DISP3: variants seen among roughly 807,000 people sequenced by gnomAD.
The protein encoded by DISP3 is protein dispatched homolog 3.
A neutral mutation model predicts 135.3 loss-of-function variants in DISP3; 101 were observed. The observed-to-expected ratio is 0.75, with a 90% CI of 0.64 to 0.88. The LOEUF (loss-of-function observed/expected upper bound fraction) is 0.88, where lower values mean the gene tolerates loss of function less well. Ranked by LOEUF, DISP3 falls within the 40% of genes least tolerant of loss-of-function variation. The pLI is 0.00. For synonymous variants in DISP3, 856 were observed against 817.0 expected, an observed-to-expected ratio of 1.05 and a Z score of -0.81; for missense variants, 1,713 against 1,878.6, an observed-to-expected ratio of 0.91 and a Z score of 1.63.
intron 11 of DISP3, 101 bp from the exon 12 acceptor site, chr1:11,525,075 T>G: frequency 3.5e-6 from 5 of 1,436,566 alleles, no homozygotes; most frequent in Non-Finnish European, 4.8e-6. Flanking sequence ...AGGCCAGGAC[T>G]GAGCTCGTTA....
intron 1 of DISP3, among the ~76,000 whole-genome samples, chr1:11,495,979 A>G (rs1242579936): frequency 6.6e-6 from 1 of 152,236 alleles, no homozygotes; most frequent in East Asian, 1.9e-4. Context: ...TCTGATTCTA[A>G]AAGTAAGGAT....
intron 3 of DISP3, among the ~76,000 whole-genome samples, chr1:11,505,438 G>A (rs1376743791): frequency 2.0e-5 from 3 of 152,238 alleles, no homozygotes; most frequent in Non-Finnish European, 4.4e-5. Flanking sequence ...TTAGGTACCA[G>A]TATTAACTCT....
At chr1:11,527,600 T>C (rs1410197189) in intron 13 of DISP3, among the ~76,000 whole-genome samples, 1 of 150,462 alleles carries the variant, frequency 6.6e-6, no homozygotes, top group Non-Finnish European at 1.5e-5. Flanking sequence ...ACCTACCTGC[T>C]CAGATGGGTC....
At chr1:11,505,049 C>T (rs1445418471) in intron 3 of DISP3, among the ~76,000 whole-genome samples, 1 of 152,200 alleles carries the variant, frequency 6.6e-6, no homozygotes, top group African/African-American at 2.4e-5. Flanking sequence ...TATCACAGTG[C>T]TTCTCACTCT....
At chr1:11,486,487 G>A (rs1641039228) in intron 1 of DISP3, among the ~76,000 whole-genome samples, 1 of 152,006 alleles carries the variant, frequency 6.6e-6, no homozygotes, top group Non-Finnish European at 1.5e-5. Flanking sequence ...AAGGGTTTCT[G>A]ACTTTCTGAC....
rs1641506797 is a variant in DISP3, at chr1:11,501,286, G to C, written c.294G>C (p.Pro98=). 6.2e-7 allele frequency: 1 copy of C among 1,613,896 alleles called. No individual in the cohort carries two copies. The highest frequency in any genetic ancestry group is 1.3e-5 in the African/African-American group (1 of 74,880). ...CCTTCATGTTCCTTTACTACCCACC[G>C]CTGGACATTGACATCTCCTACAACG... ...LSAFMFLYYP[P]LDIDISYNAF... is the part of the protein sequence containing the mutation. The change falls in exon 2 of 21, where the codon CCG becomes CCC. Residue 98 remains proline (P), a synonymous_variant. Coordinates refer to ENST00000294484, the MANE Select transcript of DISP3 (RefSeq NM_020780.2). This position sits in a 1 kb window ranked among gnomAD's most constrained non-coding sequence, Gnocchi z 4.9.
At chr1:11,511,058 T>C (rs1434824291) in intron 3 of DISP3, among the ~76,000 whole-genome samples, 1 of 152,220 alleles carries the variant, frequency 6.6e-6, no homozygotes, top group Non-Finnish European at 1.5e-5. Context: ...CCAGCCGCCA[T>C]GATTCAATTA....
intron 12 of DISP3, among the ~76,000 whole-genome samples, chr1:11,525,756 C>T (rs893533397): frequency 6.6e-6 from 1 of 152,094 alleles, no homozygotes; most frequent in African/African-American, 2.4e-5. Flanking sequence ...AAGGAGTCCC[C>T]GAGCCCAGAC....
At chr1:11,513,063 T>C (rs1309410412) in intron 3 of DISP3, among the ~76,000 whole-genome samples, 1 of 152,050 alleles carries the variant, frequency 6.6e-6, no homozygotes, top group Non-Finnish European at 1.5e-5. Flanking sequence ...TTCTGGGAGA[T>C]ACAAGTCAAG....
chr1:11,514,508 A>G lies in DISP3; in HGVS notation c.1435A>G (p.Ile479Val), dbSNP rs1272345058. 1.2e-6 allele frequency: 2 copies of G among 1,613,996 alleles called. No homozygotes were observed. ...CAGCTGCATTGCTGCCCTGGTCTAC[A>G]TCCTCACCTCCTGCTCAGGTAGGGC... ...SSSCIAALVY[I>V]LTSCSVFLSF... Residue 479 changes from isoleucine (I) to valine (V), a missense_variant, in exon 4 of 21, where the codon ATC becomes GTC. By Grantham distance (29) the Ile-to-Val change is conservative. Transcript: ENST00000294484.
intron 12 of DISP3, among the ~76,000 whole-genome samples, chr1:11,526,077 GC>G (rs2100499662): frequency 6.6e-6 from 1 of 152,302 alleles, no homozygotes; most frequent in South Asian, 2.1e-4. Flanking sequence ...ACAGGGACAC[GC>G]GCCAATTCAT....
intron 3 of DISP3, among the ~76,000 whole-genome samples, chr1:11,507,449 G>A (rs1641737799): frequency 6.6e-6 from 1 of 152,098 alleles, no homozygotes; most frequent in African/African-American, 2.4e-5. Flanking sequence ...GGTTTTTTTG[G>A]CTTCAGGCCC....
chr1:11,523,827 C>T lies in DISP3; in HGVS notation c.2363-115C>T, dbSNP rs532872193. On this transcript the variant is annotated intron_variant, in intron 10 of 20. Transcript: ENST00000294484. ...ACCCCTGACACCCACCCCCTCCAGTCCCTGGGCCCCAGTTCCTGAGACTGT... is the reference window on the plus strand; with the variant it reads ...ACCCCTGACACCCACCCCCTCCAGTTCCTGGGCCCCAGTTCCTGAGACTGT... The T allele has an allele frequency of 5.6e-5, 42 of 748,818 alleles. No homozygotes were observed. In the African/African-American group the frequency reaches 5.6e-4, roughly 10 times the overall value. The allele number at this position is 748,818 out of a possible 1,614,324, so 46.4% of individuals were successfully genotyped here.
At chr1:11,527,341 C>A (rs12743429) in intron 13 of DISP3, among the ~76,000 whole-genome samples, 5 of 151,996 alleles carry the variant, frequency 3.3e-5, no homozygotes, top group Non-Finnish European at 7.4e-5. Flanking sequence ...CGAGGTCAGC[C>A]GATCGAGACC....
chr1:11,529,355 G>A lies in DISP3; in HGVS notation c.2799-201G>A, dbSNP rs1193794732. On this transcript the variant is annotated intron_variant, in intron 13 of 20. Transcript: ENST00000294484. The surrounding 1 kb of genome is among the most constrained non-coding windows in gnomAD (Gnocchi z 4.7). ...CCCATAGTCAGCCTTGGCAGGGGCAGGGCTAGAACAGCCTCCAGACCCCCA... is the reference window on the plus strand; with the variant it reads ...CCCATAGTCAGCCTTGGCAGGGGCAAGGCTAGAACAGCCTCCAGACCCCCA... 2.0e-5 allele frequency among the ~76,000 whole-genome samples: 3 copies of A among 152,136 alleles called. No individual in the cohort carries two copies. Among genetic ancestry groups the A allele is most frequent in the Non-Finnish European group, 4.4e-5 (3 of 68,002 alleles).
At chr1:11,517,781 C>T (rs1642056054) in intron 7 of DISP3, among the ~76,000 whole-genome samples, 179 bp downstream of exon 7, 2 of 152,202 alleles carry the variant, frequency 1.3e-5, no homozygotes, top group Admixed American at 1.3e-4. Context: ...ACCAGTGTCA[C>T]CAGGAAGTGA....
intron 12 of DISP3, among the ~76,000 whole-genome samples, chr1:11,526,223 C>T (rs1023694726): frequency 6.6e-6 from 1 of 152,194 alleles, no homozygotes; most frequent in African/African-American, 2.4e-5. Flanking sequence ...CCTAGGTGCT[C>T]GTTCAGGTCT....
intron 7 of DISP3, among the ~76,000 whole-genome samples, chr1:11,518,332 A>C (rs143231466): frequency 6.6e-5 from 10 of 152,332 alleles, no homozygotes; most frequent in African/African-American, 2.4e-4. Flanking sequence ...CGAGGAGCTT[A>C]GACTTGGGCC....
At position 11,534,541 on chromosome 1, in the gene DISP3, G is replaced by A; in HGVS notation, c.3535+1G>A. The A allele has an allele frequency of 6.9e-6, 11 of 1,601,882 alleles. No homozygotes were observed. Among genetic ancestry groups the A allele is most frequent in the Non-Finnish European group, 9.4e-6 (11 of 1,172,832 alleles). On this transcript the variant is annotated splice_donor_variant, in intron 18 of 20. Coordinates refer to ENST00000294484, the MANE Select transcript of DISP3 (RefSeq NM_020780.2). LOFTEE classifies it high-confidence loss of function. Reference sequence around the variant, plus strand: ...AAGCAGATATTCATGGAAATCGTAGGCAAGCGGCAGCCTCGCCCCTCCATC... The same window carrying A: ...AAGCAGATATTCATGGAAATCGTAGACAAGCGGCAGCCTCGCCCCTCCATC...
Sources: gnomAD v4.1 joint callset for allele counts (sites outside exome capture counted in the v4.1 genomes callset) on GRCh38, gnomAD v4.1.1 for gene constraint, Gnocchi (gnomAD v3.1) non-coding constraint, MANE v1.5 for transcripts, NCBI Gene and HGNC (gene_info 2026-07-23, HGNC 2026-07-21) for gene names.